Variants in MGLL observed in about 807,000 individuals in gnomAD.
MGLL encodes the protein lysophospholipase homolog.
In MGLL, 7 loss-of-function variants were observed where a neutral mutation model predicts 29.1. That is an observed-to-expected ratio of 0.24 (90% CI 0.14 to 0.45). The LOEUF is 0.45. Ranked by LOEUF, MGLL falls within the 20% of genes least tolerant of loss-of-function variation. The pLI, the probability that MGLL is intolerant of heterozygous loss-of-function variation, is 0.99. For synonymous variants in MGLL, 148 were observed against 168.3 expected (o/e 0.88, Z 0.93); for missense variants, 356 against 413.6 (o/e 0.86, Z 1.21).
intron 2 of MGLL, among the ~76,000 whole-genome samples, chr3:127,803,312 G>A (rs1576309749): frequency 1.3e-5 from 2 of 152,218 alleles, no homozygotes; most frequent in African/African-American, 4.8e-5. Context: ...TGCACGGGGA[G>A]GGCCTTTGTT....
chr3:127,703,014 A>G (rs185498934), intron 6 of MGLL, among the ~76,000 whole-genome samples: 1 of 152,290 alleles, frequency 6.6e-6, no homozygotes, highest in Admixed American at 6.5e-5. Context: ...ATCCACTTTT[A>G]AGAGCAGTGA....
At chr3:127,721,380 T>C (rs1171458601) in intron 4 of MGLL, among the ~76,000 whole-genome samples, 6 of 152,152 alleles carry the variant, frequency 3.9e-5, no homozygotes, top group Non-Finnish European at 8.8e-5. Flanking sequence ...GAGCAAACAT[T>C]TCAGAGAGAT....
chr3:127,733,892 T>C (rs1024554068), intron 3 of MGLL, among the ~76,000 whole-genome samples: 14 of 152,112 alleles, frequency 9.2e-5, no homozygotes, highest in Non-Finnish European at 2.1e-4. Flanking sequence ...TGGGTGGGTG[T>C]GCTGACGTGG....
At chr3:127,702,725 G>A (rs1203845542) in intron 6 of MGLL, among the ~76,000 whole-genome samples, 3 of 152,034 alleles carry the variant, frequency 2.0e-5, no homozygotes, top group South Asian at 2.1e-4. Context: ...ATGGAGTCTC[G>A]CTCTTGTCGC....
At chr3:127,785,191 C>T (rs1341127707) in intron 2 of MGLL, among the ~76,000 whole-genome samples, 1 of 152,138 alleles carries the variant, frequency 6.6e-6, no homozygotes, top group Non-Finnish European at 1.5e-5. Context: ...GAGACCTTCC[C>T]CCCTCCTTCC....
At chr3:127,770,868 C>T (rs1427200965) in intron 3 of MGLL, among the ~76,000 whole-genome samples, 2 of 151,888 alleles carry the variant, frequency 1.3e-5, no homozygotes, top group African/African-American at 4.8e-5. Context: ...AGCTCAAGGT[C>T]ACAAGGCTGA....
intron 4 of MGLL, 133 bp downstream of exon 4, chr3:127,722,297 G>A: frequency 1.6e-6 from 2 of 1,273,874 alleles, no homozygotes; most frequent in Non-Finnish European, 2.2e-6. Flanking sequence ...AACTCCAAGT[G>A]CAGTGCACAA....
chr3:127,705,158 G>T (rs1406100306), intron 6 of MGLL, among the ~76,000 whole-genome samples: 1 of 152,064 alleles, frequency 6.6e-6, no homozygotes, highest in Non-Finnish European at 1.5e-5. Context: ...ACTTATAAAT[G>T]GGAGCTGAAC....
chr3:127,822,947 G>GCACACACACCGTGCA (rs1295775889), upstream of MGLL: 1 of 154,874 alleles, frequency 6.5e-6, no homozygotes, highest in Non-Finnish European at 1.4e-5. Context: ...GGACACGCGC[G>GCACACACACCGTGCA]CACACACACC....
chr3:127,696,396 C>CTTTTTTTTTTTTTT lies in MGLL; in HGVS notation c.601-1220_601-1207dup, dbSNP rs545853423. Reference sequence around the variant, plus strand: ...GGGCAGGAGTGAGCCCCTGATGCTTCTTTTTTTTTTTTTTTTTTTTTTTTT... The same window carrying CTTTTTTTTTTTTTT: ...GGGCAGGAGTGAGCCCCTGATGCTTCTTTTTTTTTTTTTTTTTTTTTTTTTTTTTTTTTTTTTTT... On this transcript the variant is annotated intron_variant, in intron 6 of 7. Coordinates refer to ENST00000265052, the MANE Select transcript of MGLL (RefSeq NM_007283.7). Among the ~76,000 whole-genome samples the CTTTTTTTTTTTTTT allele has an allele frequency of 2.4e-4, 12 of 49,378 alleles. 3 individuals carry two copies. Among genetic ancestry groups the CTTTTTTTTTTTTTT allele is most frequent in the Admixed American group, 3.5e-4 (1 of 2,850 alleles). 32.4% of individuals were successfully genotyped at this position (49,378 alleles called of 152,430 possible).
In MGLL at chr3:127,795,332, G is replaced by A. The variant is rs2077366444; in HGVS notation, c.156-13437C>T. Reference sequence around the variant, plus strand: ...TGGGGTTTTGCATGTTCTCACAAGTGGGAGCTAAGCATTGAGTACACATGG... The same window carrying A: ...TGGGGTTTTGCATGTTCTCACAAGTAGGAGCTAAGCATTGAGTACACATGG... On this transcript the variant is annotated intron_variant, in intron 2 of 7. Transcript: ENST00000265052. Among the ~76,000 whole-genome samples, 3 of 152,034 alleles carry A rather than the reference G, an allele frequency of 2.0e-5. No homozygotes were observed. The South Asian group carries it at 6.2e-4, about 32-fold the overall frequency.
intron 5 of MGLL, among the ~76,000 whole-genome samples, chr3:127,718,956 G>C (rs1234782624): frequency 6.6e-6 from 1 of 152,214 alleles, no homozygotes; most frequent in Admixed American, 6.5e-5. Context: ...ATGCATCATG[G>C]ACTTTGTCAG....
At chr3:127,738,952 G>A (rs2076290139) in intron 3 of MGLL, among the ~76,000 whole-genome samples, 1 of 152,262 alleles carries the variant, frequency 6.6e-6, no homozygotes, top group Non-Finnish European at 1.5e-5. Flanking sequence ...AGGATGGGCA[G>A]AGGTAGAACA....
chr3:127,815,348 C>T (rs1221762196), intron 2 of MGLL, among the ~76,000 whole-genome samples: 2 of 152,348 alleles, frequency 1.3e-5, no homozygotes, highest in Admixed American at 6.5e-5. Flanking sequence ...GAGAATCCCA[C>T]ATTCCCACAC....
chr3:127,712,053 A>G (rs3773134), intron 5 of MGLL: 61,913 of 152,060 alleles, frequency 0.41, 12,781 homozygotes, highest in Middle Eastern at 0.58. Context: ...ACCCTGGGAG[A>G]TGAGGCTTCA....
At chr3:127,700,382 T>C (rs2171131) in intron 6 of MGLL, among the ~76,000 whole-genome samples, 53,723 of 152,026 alleles carry the variant, frequency 0.35, 9,640 homozygotes, top group Middle Eastern at 0.55. Flanking sequence ...TGCTCTTAGC[T>C]TAATTAACAT....
At chr3:127,694,230 G>A (rs907896065) in intron 7 of MGLL, among the ~76,000 whole-genome samples, 22 of 139,278 alleles carry the variant, frequency 1.6e-4, no homozygotes, top group African/African-American at 3.6e-4. Context: ...AGATGGCGCC[G>A]CTGCACTCCA....
chr3:127,801,593 G>A (rs1262840218), intron 2 of MGLL, among the ~76,000 whole-genome samples: 1 of 151,972 alleles, frequency 6.6e-6, no homozygotes, highest in Non-Finnish European at 1.5e-5. Context: ...TCCAGCCTGG[G>A]CAACAAGAAC....
At chr3:127,700,807 C>G (rs981579104) in intron 6 of MGLL, among the ~76,000 whole-genome samples, 7 of 152,220 alleles carry the variant, frequency 4.6e-5, no homozygotes, top group Non-Finnish European at 1.0e-4. Context: ...AATGGCCTTT[C>G]TGCGTGCACA....
Sources: gnomAD v4.1 joint callset for allele counts (sites outside exome capture counted in the v4.1 genomes callset) on GRCh38, gnomAD v4.1.1 for gene constraint, MANE v1.5 for transcripts, NCBI Gene and HGNC (gene_info 2026-07-23, HGNC 2026-07-21) for gene names.